The following C1orf21 variants were observed in gnomAD, a reference collection of about 807,000 sequenced individuals.
C1orf21 encodes chromosome 1 open reading frame 21, also known as uncharacterized protein C1orf21.
In C1orf21, 3 loss-of-function variants were observed where a neutral mutation model predicts 18.7. The observed-to-expected ratio is 0.16, with a 90% CI of 0.07 to 0.42. C1orf21 has a LOEUF of 0.42. Ranked by LOEUF, C1orf21 falls within the 10% of genes least tolerant of loss-of-function variation. C1orf21 has a pLI of 0.99. For missense variants in C1orf21, 104 were observed against 143.6 expected (o/e 0.72, Z 1.41); for synonymous variants, 41 against 46.4 (o/e 0.88, Z 0.47).
chr1:184,612,502 G>T (rs12121582), intron 5 of C1orf21, among the ~76,000 whole-genome samples: 41,241 of 152,084 alleles, frequency 0.27, 5,885 homozygotes, highest in East Asian at 0.38. Context: ...AAAGCAGGTG[G>T]ATCAGCTGAG....
intron 3 of C1orf21, among the ~76,000 whole-genome samples, chr1:184,509,945 C>T (rs996712349): frequency 2.0e-4 from 31 of 152,260 alleles, no homozygotes; most frequent in Middle Eastern, 3.4e-3. Context: ...ACCTCCCACC[C>T]ATCACGTGAG....
In C1orf21 at chr1:184,387,534, C is replaced by G. The variant is rs1473296550; in HGVS notation, c.-125+166C>G. On this transcript the variant is annotated intron_variant, in intron 1 of 5. Transcript: ENST00000235307. The surrounding 1 kb of genome is among the most constrained non-coding windows in gnomAD (Gnocchi z 5.6). Reference sequence around the variant, plus strand: ...GTCGTGGCGCTGCCTGCGCGGGGCCCGGGCCGGGGCTGCTGCTGGTGCGGG... The same window carrying G: ...GTCGTGGCGCTGCCTGCGCGGGGCCGGGGCCGGGGCTGCTGCTGGTGCGGG... 3.4e-5 allele frequency among the ~76,000 whole-genome samples: 5 copies of G among 148,768 alleles called. No individual in the cohort carries two copies. The highest frequency in any genetic ancestry group is 2.2e-4 in the South Asian group (1 of 4,610).
At chr1:184,436,188 G>A (rs189429307) in intron 1 of C1orf21, among the ~76,000 whole-genome samples, 2 of 152,280 alleles carry the variant, frequency 1.3e-5, no homozygotes, top group African/African-American at 4.8e-5. Context: ...CTCAGCAGAA[G>A]GCGAGTTTGT....
chr1:184,465,275 AT>A, intron 1 of C1orf21, among the ~76,000 whole-genome samples: 1 of 152,254 alleles, frequency 6.6e-6, no homozygotes, highest in East Asian at 1.9e-4. Flanking sequence ...TAGAAGTAAA[AT>A]TTTTTACTGA....
intron 1 of C1orf21, among the ~76,000 whole-genome samples, chr1:184,390,552 G>A (rs1296467402): frequency 3.3e-5 from 5 of 152,096 alleles, no homozygotes; most frequent in South Asian, 4.2e-4. Flanking sequence ...ATATTGGGTC[G>A]ATCAGTCTTC....
intron 3 of C1orf21, among the ~76,000 whole-genome samples, chr1:184,559,479 C>G (rs1461743942): frequency 6.0e-5 from 8 of 134,074 alleles, no homozygotes; most frequent in Admixed American, 4.9e-4. Context: ...CCTTTCCCTC[C>G]TTCCTTCCTT....
At chr1:184,392,806 A>T (rs903610694) in intron 1 of C1orf21, among the ~76,000 whole-genome samples, 1 of 141,810 alleles carries the variant, frequency 7.1e-6, no homozygotes, top group African/African-American at 2.6e-5. Context: ...ATTTTTATCC[A>T]TAGACATTCC....
At chr1:184,434,881 T>C (rs1156650181) in intron 1 of C1orf21, among the ~76,000 whole-genome samples, 1 of 152,182 alleles carries the variant, frequency 6.6e-6, no homozygotes, top group Non-Finnish European at 1.5e-5. Context: ...TTCTTGGATT[T>C]TATTCTGTGG....
In C1orf21 at chr1:184,587,524, T is replaced by TTGTGTG. The variant is rs3034486; in HGVS notation, c.190-3175_190-3170dup. ...CCCTGCTTAGCTGTGTTCCTAGGAATTGTGTGTGTGTGTGTGTGTGTGTGT... is the reference window on the plus strand; with the variant it reads ...CCCTGCTTAGCTGTGTTCCTAGGAATTGTGTGTGTGTGTGTGTGTGTGTGTGTGTGT... On this transcript the variant is annotated intron_variant, in intron 3 of 5. Coordinates refer to ENST00000235307, the MANE Select transcript of C1orf21 (RefSeq NM_030806.4). 1.9e-3 allele frequency among the ~76,000 whole-genome samples: 259 copies of TTGTGTG among 139,716 alleles called. 1 individual carries two copies. The highest frequency in any genetic ancestry group is 0.014 in the East Asian group (65 of 4,740). 91.7% of individuals were successfully genotyped at this position (139,716 alleles called of 152,430 possible).
At chr1:184,527,905 T>A (rs989657425) in intron 3 of C1orf21, among the ~76,000 whole-genome samples, 3 of 152,332 alleles carry the variant, frequency 2.0e-5, no homozygotes, top group Admixed American at 6.5e-5. Context: ...GTTAATTTTA[T>A]TTACAGTTTT....
At chr1:184,394,699 TC>T (rs1359155167) in intron 1 of C1orf21, among the ~76,000 whole-genome samples, 1 of 152,324 alleles carries the variant, frequency 6.6e-6, no homozygotes, top group Non-Finnish European at 1.5e-5. Context: ...CAGGGTGACT[TC>T]AGTGGTTCTA....
intron 5 of C1orf21, among the ~76,000 whole-genome samples, chr1:184,608,040 T>G (rs1286762158): frequency 6.6e-6 from 1 of 152,134 alleles, no homozygotes; most frequent in Admixed American, 6.6e-5. Context: ...AATATCAAAG[T>G]ATCTAAAATG....
At chr1:184,401,989 G>A (rs1656160023) in intron 1 of C1orf21, among the ~76,000 whole-genome samples, 1 of 151,932 alleles carries the variant, frequency 6.6e-6, no homozygotes, top group Non-Finnish European at 1.5e-5. Flanking sequence ...CATCATAAAT[G>A]CTTGATCTGT....
At chr1:184,430,660 G>A (rs932876432) in intron 1 of C1orf21, among the ~76,000 whole-genome samples, 1 of 152,150 alleles carries the variant, frequency 6.6e-6, no homozygotes, top group Admixed American at 6.5e-5. Flanking sequence ...GCACACACCA[G>A]CATCTGGCCC....
At chr1:184,526,307 A>G (rs371616416) in intron 3 of C1orf21, among the ~76,000 whole-genome samples, 339 of 152,314 alleles carry the variant, frequency 2.2e-3, no homozygotes, top group African/African-American at 7.5e-3. Flanking sequence ...TGAACAATAG[A>G]ATCAGAAGCT....
At chr1:184,617,554 C>T (rs1659847418) in intron 5 of C1orf21, among the ~76,000 whole-genome samples, 1 of 152,206 alleles carries the variant, frequency 6.6e-6, no homozygotes, top group African/African-American at 2.4e-5. Flanking sequence ...GTGTTCTGGG[C>T]CAAGGCTAGG....
intron 3 of C1orf21, among the ~76,000 whole-genome samples, chr1:184,518,040 A>G (rs1466019788): frequency 6.6e-6 from 1 of 152,202 alleles, no homozygotes; most frequent in Non-Finnish European, 1.5e-5. Context: ...CATAGAAGGT[A>G]TAAGAGAGAA....
At chr1:184,411,713 C>T (rs529146931) in intron 1 of C1orf21, among the ~76,000 whole-genome samples, 5 of 152,244 alleles carry the variant, frequency 3.3e-5, no homozygotes, top group South Asian at 2.1e-4. Context: ...TGAGCCACCG[C>T]GCCCAGCCGG....
chr1:184,585,974 G>T (rs139264634), intron 3 of C1orf21, among the ~76,000 whole-genome samples: 10 of 152,210 alleles, frequency 6.6e-5, no homozygotes, highest in Admixed American at 1.3e-4. Flanking sequence ...ATTCCTTTGG[G>T]TATATAATCG....
Sources: allele counts gnomAD v4.1 joint callset (sites outside exome capture counted in the v4.1 genomes callset), GRCh38; gene constraint gnomAD v4.1.1; non-coding constraint Gnocchi (gnomAD v3.1); transcripts MANE v1.5; gene names NCBI Gene and HGNC (gene_info 2026-07-23, HGNC 2026-07-21).